The following DSG2 variants were observed in gnomAD, a reference collection of about 807,000 sequenced individuals.
The protein encoded by DSG2 is desmoglein-2.
A neutral mutation model predicts 75.6 loss-of-function variants in DSG2; 45 were observed. The observed-to-expected ratio is 0.60, with a 90% CI of 0.47 to 0.76. The LOEUF is 0.76. Ranked by LOEUF, DSG2 falls within the 30% of genes least tolerant of loss-of-function variation. The pLI, the probability that DSG2 is intolerant of heterozygous loss-of-function variation, is 0.00. For missense variants in DSG2, 1,267 were observed against 1,357.4 expected (o/e 0.93, Z 1.05); for synonymous variants, 429 against 483.9 (o/e 0.89, Z 1.49).
At position 31,548,593 on chromosome 18, in the gene DSG2, C is replaced by A. The variant is rs1044863110; in HGVS notation, c.*1850C>A. 1.3e-5 allele frequency: 2 copies of A among 151,986 alleles called. No individual in the cohort carries two copies. The highest frequency in any genetic ancestry group is 4.2e-4 in the South Asian group (2 of 4,802). The allele number at this position is 151,986 out of a possible 1,614,324, so 9.4% of individuals were successfully genotyped here. On this transcript the variant is annotated 3_prime_UTR_variant, in exon 15 of 15. Coordinates refer to ENST00000261590, the MANE Select transcript of DSG2 (RefSeq NM_001943.5). ...TAGACTTACTATCAGTTTTATTTTG[C>A]CAAGTATGCAACAGGTATATCACTA...
At chr18:31,538,662 C>A in intron 11 of DSG2, 89 bp from the exon 12 acceptor site, 1 of 1,044,636 alleles carries the variant, frequency 9.6e-7, no homozygotes, top group Non-Finnish European at 1.5e-6. Flanking sequence ...TAAATACAAT[C>A]AGCAATGAAA....
chr18:31,505,656 C>CTTTTTTTTTTTTTT (rs558578470), intron 1 of DSG2, among the ~76,000 whole-genome samples: 3 of 136,080 alleles, frequency 2.2e-5, no homozygotes, highest in Admixed American at 7.4e-5. Context: ...ATTTTTTTTT[C>CTTTTTTTTTTTTTT]TTTTTTTTTT....
rs2144317974 is a variant in DSG2 at position 31,522,180 on chromosome 18, T to C, written c.621T>C (p.Tyr207=). The change falls in exon 6 of 15, where the codon TAT becomes TAC. Residue 207 remains tyrosine (Y), a synonymous_variant. Transcript: ENST00000261590. ...SYRIVSLEPA[Y]PPVFYLNKDT... ...GAATCGTATCTCTGGAGCCTGCTTA[T>C]CCTCCAGTGTTCTACCTAAATAAAG... The C allele has an allele frequency of 6.2e-7, 1 of 1,613,564 alleles. No homozygotes were observed. The highest frequency in any genetic ancestry group is 8.5e-7 in the Non-Finnish European group (1 of 1,179,520).
At position 31,538,932 on chromosome 18, in the gene DSG2, AC is replaced by A; in HGVS notation, c.1836del (p.Ala613GlnfsTer6). On this transcript the variant is annotated frameshift_variant, in exon 12 of 15. Transcript: ENST00000261590. LOFTEE classifies it high-confidence loss of function. Reference protein sequence around the residue: ...AQHDSYVGLGPAAIALMILAF... With the variant: ...AQHDSYVGLGXAAIALMILAF... ...AGCATGACTCCTATGTGGGCCTGGGACCCGCAGCAATTGCGCTCATGATTTT... is the reference window on the plus strand; with the variant it reads ...AGCATGACTCCTATGTGGGCCTGGGACCGCAGCAATTGCGCTCATGATTTT... 6.2e-7 allele frequency: 1 copy of A among 1,613,988 alleles called. No homozygotes were observed. Among genetic ancestry groups the A allele is most frequent in the Non-Finnish European group, 8.5e-7 (1 of 1,180,016 alleles).
At chr18:31,532,148 ACAG>A (rs764562566) in intron 9 of DSG2, among the ~76,000 whole-genome samples, 7 of 152,152 alleles carry the variant, frequency 4.6e-5, no homozygotes, top group African/African-American at 9.7e-5. Flanking sequence ...TAATTTATAA[ACAG>A]CAGATTTGTT....
chr18:31,513,861 A>G (rs1324708596), intron 1 of DSG2, among the ~76,000 whole-genome samples: 1 of 152,218 alleles, frequency 6.6e-6, no homozygotes, highest in Non-Finnish European at 1.5e-5. Flanking sequence ...CAGAAAGGGC[A>G]CTTCAGCTCT....
chr18:31,545,508 CCTTT>C (rs1183507092), intron 14 of DSG2, among the ~76,000 whole-genome samples: 5 of 152,044 alleles, frequency 3.3e-5, no homozygotes, highest in African/African-American at 7.3e-5. Context: ...GTCCCCTCTG[CCTTT>C]CTATTTTTTC....
At chr18:31,536,788 C>G (rs2073233584) in intron 11 of DSG2, among the ~76,000 whole-genome samples, 2 of 152,182 alleles carry the variant, frequency 1.3e-5, no homozygotes, top group Non-Finnish European at 2.9e-5. Context: ...TGAGCACTTG[C>G]TATGTGCTAG....
Position 31,546,196 on chromosome 18 carries a change from A to C in DSG2, c.2810A>C (p.Glu937Ala), listed in dbSNP as rs747525378. 2 of 1,613,794 alleles carry C rather than the reference A, an allele frequency of 1.2e-6. No homozygotes were observed. The highest frequency in any genetic ancestry group is 1.7e-5 in the Admixed American group (1 of 59,992). The change falls in exon 15 of 15, where the codon GAA (glutamate) becomes GCA (alanine). Residue 937 changes from glutamate (E) to alanine (A), a missense_variant. By Grantham distance (107) the Glu-to-Ala change is moderately radical. Transcript: ENST00000261590. ...GCTTCTAGAAATGTGATAGCAACAG[A>C]AACTTCCTATGTCACAGGGTCCACT... Reference protein sequence around the residue: ...PMASRNVIATETSYVTGSTMP... With the variant: ...PMASRNVIATATSYVTGSTMP...
chr18:31,531,268 A>G lies in DSG2; in HGVS notation c.1280+16A>G, dbSNP rs370932437. 5 of 1,613,688 alleles carry G rather than the reference A, an allele frequency of 3.1e-6. No homozygotes were observed. The African/African-American group carries it at 6.7e-5, about 22-fold the overall frequency. On this transcript the variant is annotated intron_variant, in intron 9 of 14. Coordinates refer to ENST00000261590, the MANE Select transcript of DSG2 (RefSeq NM_001943.5). ...CCCATGCAAGGTAAGAGAGAGTGAC[A>G]CGTGTATTTCTTTATTTTAAATTAT...
intron 9 of DSG2, among the ~76,000 whole-genome samples, chr18:31,532,246 G>A (rs1379497805): frequency 6.6e-6 from 1 of 152,206 alleles, no homozygotes; most frequent in East Asian, 1.9e-4. Context: ...CTGCTTCCAA[G>A]ATGGCACCAT....
chr18:31,543,409 T>C (rs1181825391), intron 14 of DSG2: 1 of 152,310 alleles, frequency 6.6e-6, no homozygotes, highest in Non-Finnish European at 1.5e-5. Flanking sequence ...AAAAACACAA[T>C]CTATTAAGTC....
intron 1 of DSG2, among the ~76,000 whole-genome samples, chr18:31,504,661 G>A (rs764628471): frequency 7.2e-5 from 11 of 152,198 alleles, no homozygotes; most frequent in Admixed American, 1.3e-4. Context: ...AGGACAGTGT[G>A]CATGTGGATG....
In DSG2 at chr18:31,538,838, G is replaced by A. The variant is rs1378584704; in HGVS notation, c.1739G>A (p.Cys580Tyr). Residue 580 changes from cysteine (C) to tyrosine (Y), a missense_variant, in exon 12 of 15, where the codon TGT becomes TAT. Transcript: ENST00000261590. ...ATTTCAGACAATCAGGGTTTTAGTT[G>A]TCCTGAAAAGCAGGTCCTTACACTC... ...FLISDNQGFSCPEKQVLTLTV... is the reference protein window; with the variant it reads ...FLISDNQGFSYPEKQVLTLTV... The A allele has an allele frequency of 6.2e-7, 1 of 1,614,160 alleles. No homozygotes were observed. Among genetic ancestry groups the A allele is most frequent in the Non-Finnish European group, 8.5e-7 (1 of 1,180,024 alleles).
chr18:31,513,797 G>A (rs1338827813), intron 1 of DSG2, among the ~76,000 whole-genome samples: 1 of 152,198 alleles, frequency 6.6e-6, no homozygotes, highest in Non-Finnish European at 1.5e-5. Flanking sequence ...ACTGCAATCA[G>A]TACCTTAGCC....
rs139494751 is a variant in DSG2, at chr18:31,516,427, A to G, written c.46-1812A>G. On this transcript the variant is annotated intron_variant, in intron 1 of 14. Coordinates refer to ENST00000261590, the MANE Select transcript of DSG2 (RefSeq NM_001943.5). ...ACATGGGGTCATCTCATAAGAGTGA[A>G]TAGGTACAGAGGTGTGACTAGAGTC... is the stretch of plus-strand genomic sequence containing the variant. Among the ~76,000 whole-genome samples, 1,488 of 152,308 alleles carry G rather than the reference A, an allele frequency of 9.8e-3. 12 individuals are homozygous for G. Among genetic ancestry groups the G allele is most frequent in the Non-Finnish European group, 0.017 (1,138 of 68,016 alleles).
Position 31,546,590 on chromosome 18 carries a change from T to A in DSG2, c.3204T>A (p.Ser1068=). Residue 1068 remains serine (S), a synonymous_variant, in exon 15 of 15, where the codon TCT becomes TCA. Transcript: ENST00000261590. ...GTTACCAGATTCCCACTGAAAATTC[T>A]ATGACGGCTAGGAACACCACGGTGT... ...QSSYQIPTEN[S]MTARNTTVSG... 2 of 1,614,234 alleles carry A rather than the reference T, an allele frequency of 1.2e-6. No homozygotes were observed. Among genetic ancestry groups the A allele is most frequent in the South Asian group, 1.1e-5 (1 of 91,088 alleles).
In DSG2 at chr18:31,525,532, C is replaced by A. The variant is rs536167630; in HGVS notation, c.1014+644C>A. 3.9e-4 allele frequency among the ~76,000 whole-genome samples: 58 copies of A among 149,888 alleles called. 1 individual carries two copies. The South Asian group carries it at 0.01, about 26-fold the overall frequency. On this transcript the variant is annotated intron_variant, in intron 8 of 14. Transcript: ENST00000261590. ...AGACCCTGACTCAAAAAAAAAAAAA[C>A]CCCGAAACAAAACCAGTAAACCCAG...
chr18:31,542,279 C>A, intron 13 of DSG2: 1 of 576,852 alleles, frequency 1.7e-6, no homozygotes, highest in South Asian at 2.0e-5. Flanking sequence ...AGTAAAGGAG[C>A]TGAGACTGTT....
Sources: allele counts gnomAD v4.1 joint callset (sites outside exome capture counted in the v4.1 genomes callset), GRCh38; gene constraint gnomAD v4.1.1; transcripts MANE v1.5; gene names NCBI Gene and HGNC (gene_info 2026-07-23, HGNC 2026-07-21).